Variants in CNNM2 observed in about 807,000 individuals in gnomAD.
CNNM2 encodes cyclin and CBS domain divalent metal cation transport mediator 2.
A neutral mutation model predicts 66.9 loss-of-function variants in CNNM2; 12 were observed. The ratio of observed to expected loss-of-function variants is 0.18; its 90% confidence interval spans 0.11 to 0.29. CNNM2 has a LOEUF of 0.29. Ranked by LOEUF, CNNM2 falls within the 10% of genes least tolerant of loss-of-function variation. The pLI is 1.00. For synonymous variants in CNNM2, 557 were observed against 501.8 expected, an observed-to-expected ratio of 1.11 and a Z score of -1.47; for missense variants, 705 against 1,167.7, an observed-to-expected ratio of 0.60 and a Z score of 5.77.
intron 6 of CNNM2, among the ~76,000 whole-genome samples, chr10:103,075,446 C>T (rs563454821): frequency 1.3e-5 from 2 of 152,244 alleles, no homozygotes; most frequent in South Asian, 4.1e-4. Context: ...GCCACAAAAC[C>T]TCACTGAAGA....
intron 4 of CNNM2, among the ~76,000 whole-genome samples, chr10:103,066,311 T>C (rs2065475636): frequency 6.6e-6 from 1 of 152,110 alleles, no homozygotes; most frequent in African/African-American, 2.4e-5. Context: ...AGACCTTCTT[T>C]CTCCCACTCG....
chr10:103,002,992 G>A lies in CNNM2; in HGVS notation c.1622-46715G>A, dbSNP rs564831249. ...GCATTATTTATAATACTTAAAAAGTGGAAACAACCCAAATGTTCATCATTT... is the reference window on the plus strand; with the variant it reads ...GCATTATTTATAATACTTAAAAAGTAGAAACAACCCAAATGTTCATCATTT... On this transcript the variant is annotated intron_variant, in intron 1 of 7. Transcript: ENST00000369878. 4.6e-5 allele frequency among the ~76,000 whole-genome samples: 7 copies of A among 152,028 alleles called. No homozygotes were observed. The East Asian group carries it at 1.2e-3, about 25-fold the overall frequency.
chr10:102,967,210 C>T (rs1159335482), intron 1 of CNNM2, among the ~76,000 whole-genome samples: 1 of 152,206 alleles, frequency 6.6e-6, no homozygotes, highest in African/African-American at 2.4e-5. Context: ...ACCTCAGCCT[C>T]CTGAGTAGCT....
intron 1 of CNNM2, among the ~76,000 whole-genome samples, chr10:102,925,208 A>G (rs957040255): frequency 7.4e-6 from 1 of 135,174 alleles, no homozygotes; most frequent in Admixed American, 8.3e-5. Flanking sequence ...AGGCAGGAGG[A>G]TTGCTTGAAC....
At chr10:102,981,192 A>T (rs1053364744) in intron 1 of CNNM2, among the ~76,000 whole-genome samples, 1 of 152,034 alleles carries the variant, frequency 6.6e-6, no homozygotes, top group African/African-American at 2.4e-5. Context: ...ACAAAAAAAA[A>T]TTTAAAAATT....
chr10:103,042,091 A>G (rs2065050661), intron 1 of CNNM2, among the ~76,000 whole-genome samples: 1 of 152,208 alleles, frequency 6.6e-6, no homozygotes, highest in South Asian at 2.1e-4. Context: ...GATGCCATGC[A>G]CTGTCCTCCA....
At chr10:102,991,263 C>T (rs1410505202) in intron 1 of CNNM2, among the ~76,000 whole-genome samples, 10 of 152,104 alleles carry the variant, frequency 6.6e-5, no homozygotes, top group Admixed American at 1.3e-4. Context: ...GCTGGGATTA[C>T]GGATGTGACT....
At chr10:102,926,908 G>A (rs915704576) in intron 1 of CNNM2, among the ~76,000 whole-genome samples, 3 of 151,740 alleles carry the variant, frequency 2.0e-5, no homozygotes, top group African/African-American at 4.8e-5. Context: ...TAGTAGAAAC[G>A]AGGTCATGCC....
Position 102,919,130 on chromosome 10 carries a change from G to C in CNNM2, c.650G>C (p.Gly217Ala), listed in dbSNP as rs1274346805. The change falls in exon 1 of 8, where the codon GGC becomes GCC. Residue 217 changes from glycine (G) to alanine (A), a missense_variant. Coordinates refer to ENST00000369878, the MANE Select transcript of CNNM2 (RefSeq NM_017649.5). The part of the protein sequence containing the change: ...STGGAVGGKG[G>A]SGVAGLPPPP... Reference sequence around the variant, plus strand: ...GGTGGCGCCGTCGGGGGCAAGGGTGGCTCGGGGGTGGCCGGGCTCCCGCCG... The same window carrying C: ...GGTGGCGCCGTCGGGGGCAAGGGTGCCTCGGGGGTGGCCGGGCTCCCGCCG... 6.2e-7 allele frequency: 1 copy of C among 1,610,566 alleles called. No individual in the cohort carries two copies. The highest frequency in any genetic ancestry group is 1.7e-4 in the Middle Eastern group (1 of 6,054).
At chr10:102,984,756 T>G (rs928237733) in intron 1 of CNNM2, among the ~76,000 whole-genome samples, 2 of 151,950 alleles carry the variant, frequency 1.3e-5, no homozygotes, top group Non-Finnish European at 2.9e-5. Flanking sequence ...GCCTCCCGGG[T>G]TCAAGTGATT....
At position 103,089,587 on chromosome 10, in the gene CNNM2, G is replaced by T; in HGVS notation, c.*12407G>T. ...TCATGGAGCCCCCTCCCTCCCCCGA[G>T]TAGAACCCTAACAGGGACCTCGTTT... is the stretch of plus-strand genomic sequence containing the variant. On this transcript the variant is annotated 3_prime_UTR_variant, in exon 8 of 8. Coordinates refer to ENST00000369878, the MANE Select transcript of CNNM2 (RefSeq NM_017649.5). 1 of 1,453,198 alleles carries T rather than the reference G, an allele frequency of 6.9e-7. No homozygotes were observed. The highest frequency in any genetic ancestry group is 1.4e-5 in the African/African-American group (1 of 70,344). 90.0% of individuals were successfully genotyped at this position (1,453,198 alleles called of 1,614,324 possible).
intron 1 of CNNM2, among the ~76,000 whole-genome samples, chr10:103,029,883 T>C (rs1272789313): frequency 6.7e-6 from 1 of 148,884 alleles, no homozygotes; most frequent in East Asian, 2.0e-4. Context: ...AAAAAAATAA[T>C]CTCAGAGGAG....
At chr10:103,013,616 T>C (rs1050587777) in intron 1 of CNNM2, among the ~76,000 whole-genome samples, 2 of 152,156 alleles carry the variant, frequency 1.3e-5, no homozygotes, top group African/African-American at 4.8e-5. Context: ...CCGAAAACTG[T>C]GACGCAAACA....
At chr10:103,042,321 G>C (rs1194637259) in intron 1 of CNNM2, among the ~76,000 whole-genome samples, 1 of 152,104 alleles carries the variant, frequency 6.6e-6, no homozygotes, top group East Asian at 1.9e-4. Flanking sequence ...TCCTGATTGG[G>C]TTTCCCCGCC....
rs764459461 is a variant in CNNM2 at position 103,071,849 on chromosome 10, C to T, written c.2233+10C>T. ...GCAGCAGGTTCTCCAGGTAATTCTG[C>T]ATGCTTCCTTTCCGTAATTCTCCTG... On this transcript the variant is annotated intron_variant, in intron 6 of 7. Coordinates refer to ENST00000369878, the MANE Select transcript of CNNM2 (RefSeq NM_017649.5). The T allele has an allele frequency of 1.2e-6, 2 of 1,612,656 alleles. No individual in the cohort carries two copies. The highest frequency in any genetic ancestry group is 1.1e-5 in the South Asian group (1 of 91,058).
intron 1 of CNNM2, among the ~76,000 whole-genome samples, chr10:103,005,798 A>G (rs1329466672): frequency 6.6e-6 from 1 of 151,950 alleles, no homozygotes; most frequent in Non-Finnish European, 1.5e-5. Context: ...GCATGATCAT[A>G]GCTCACTGCA....
At chr10:103,062,470 G>A (rs367564856) in intron 4 of CNNM2, among the ~76,000 whole-genome samples, 1 of 152,224 alleles carries the variant, frequency 6.6e-6, no homozygotes, top group South Asian at 2.1e-4. Context: ...ATTTTACTTG[G>A]ACACCCAGCA....
chr10:102,991,493 T>A (rs547096478), intron 1 of CNNM2, among the ~76,000 whole-genome samples: 1 of 152,348 alleles, frequency 6.6e-6, no homozygotes, highest in East Asian at 1.9e-4. Context: ...ATTTGAACTG[T>A]TCCATCTGCT....
At chr10:102,933,794 C>T (rs924577467) in intron 1 of CNNM2, among the ~76,000 whole-genome samples, 2 of 151,986 alleles carry the variant, frequency 1.3e-5, no homozygotes, top group East Asian at 1.9e-4. Flanking sequence ...CAGGAAGAAA[C>T]GGATATGGAA....
Sources: allele counts gnomAD v4.1 joint callset (sites outside exome capture counted in the v4.1 genomes callset), GRCh38; gene constraint gnomAD v4.1.1; transcripts MANE v1.5; gene names NCBI Gene and HGNC (gene_info 2026-07-23, HGNC 2026-07-21).